GPC5: variants seen among roughly 807,000 people sequenced by gnomAD.
GPC5 encodes the protein glypican-5.
A neutral mutation model predicts 53.9 loss-of-function variants in GPC5; 47 were observed. The observed-to-expected ratio is 0.87, with a 90% CI of 0.69 to 1.11. The LOEUF (loss-of-function observed/expected upper bound fraction) is 1.11. Ranked by LOEUF, GPC5 falls within the 50% of genes most tolerant of loss-of-function variation. The pLI is 0.00. For synonymous variants in GPC5, 286 were observed against 263.3 expected (o/e 1.09, Z -0.84); for missense variants, 748 against 713.1 (o/e 1.05, Z -0.56).
chr13:92,449,343 G>C (rs1256432820), intron 7 of GPC5, among the ~76,000 whole-genome samples: 1 of 152,078 alleles, frequency 6.6e-6, no homozygotes, highest in Admixed American at 6.6e-5. Flanking sequence ...CTTGTTTCCA[G>C]CTTCCAGATT....
At chr13:92,743,834 C>T (rs185744770) in intron 7 of GPC5, among the ~76,000 whole-genome samples, 496 of 152,076 alleles carry the variant, frequency 3.3e-3, no homozygotes, top group African/African-American at 0.011. Context: ...CTGCATCTAT[C>T]GAGATAATCA....
intron 7 of GPC5, among the ~76,000 whole-genome samples, chr13:92,741,506 T>A (rs1202301964): frequency 2.0e-5 from 3 of 152,024 alleles, no homozygotes; most frequent in Non-Finnish European, 2.9e-5. Context: ...TTATCCAGTT[T>A]ATAATTATCC....
At chr13:92,176,067 A>G (rs566062177) in intron 7 of GPC5, among the ~76,000 whole-genome samples, 26 of 152,160 alleles carry the variant, frequency 1.7e-4, no homozygotes, top group Non-Finnish European at 3.4e-4. Flanking sequence ...GTTTTCCTCT[A>G]AGACAGTGGT....
chr13:92,260,974 A>G (rs2042762531), intron 7 of GPC5, among the ~76,000 whole-genome samples: 1 of 152,168 alleles, frequency 6.6e-6, no homozygotes, highest in African/African-American at 2.4e-5. Flanking sequence ...TAGTAGTTGA[A>G]ATAATGAGTA....
intron 7 of GPC5, among the ~76,000 whole-genome samples, chr13:92,337,583 G>A (rs1330274182): frequency 6.6e-6 from 1 of 152,176 alleles, no homozygotes; most frequent in Non-Finnish European, 1.5e-5. Flanking sequence ...TCAAGACAGT[G>A]TGGTACTGAC....
chr13:92,046,335 A>C (rs2040981996), intron 6 of GPC5, among the ~76,000 whole-genome samples: 2 of 152,274 alleles, frequency 1.3e-5, no homozygotes, highest in African/African-American at 4.8e-5. Context: ...AATGAATGTC[A>C]TCTTGTTTTT....
intron 7 of GPC5, among the ~76,000 whole-genome samples, chr13:92,588,216 G>A (rs1407116987): frequency 1.3e-5 from 2 of 152,072 alleles, no homozygotes; most frequent in African/African-American, 4.8e-5. Flanking sequence ...AAGGATGATG[G>A]TTTCCAGCTT....
At chr13:92,621,559 AC>A (rs1420456526) in intron 7 of GPC5, among the ~76,000 whole-genome samples, 6 of 152,250 alleles carry the variant, frequency 3.9e-5, no homozygotes, top group African/African-American at 1.4e-4. Flanking sequence ...AGTAGCTCAC[AC>A]CTGTAATCCC....
At chr13:91,759,544 G>A (rs1429531287) in intron 5 of GPC5, among the ~76,000 whole-genome samples, 1 of 151,806 alleles carries the variant, frequency 6.6e-6, no homozygotes, top group Non-Finnish European at 1.5e-5. Context: ...CCCAGCCTCT[G>A]GTAACCATCC....
chr13:91,498,668 T>A (rs1183006653), intron 2 of GPC5, among the ~76,000 whole-genome samples: 5 of 151,438 alleles, frequency 3.3e-5, no homozygotes, highest in Non-Finnish European at 7.4e-5. Context: ...TGGAAGGGAG[T>A]GAAATGGTGG....
chr13:92,410,152 T>C (rs1244253643), intron 7 of GPC5, among the ~76,000 whole-genome samples: 1 of 152,138 alleles, frequency 6.6e-6, no homozygotes, highest in East Asian at 1.9e-4. Flanking sequence ...AAATAAGCAC[T>C]AGTGGATAAA....
intron 6 of GPC5, among the ~76,000 whole-genome samples, chr13:92,024,307 G>A (rs1461460768): frequency 6.6e-6 from 1 of 151,868 alleles, no homozygotes; most frequent in Non-Finnish European, 1.5e-5. Flanking sequence ...TGTTCTGTTT[G>A]GATCCAGAAA....
intron 2 of GPC5, among the ~76,000 whole-genome samples, chr13:91,572,091 A>ATG (rs1386352041): frequency 6.3e-5 from 8 of 127,320 alleles, no homozygotes; most frequent in Non-Finnish European, 9.2e-5. Flanking sequence ...GTATATGTAC[A>ATG]TGTGTGTGTA....
At chr13:92,511,374 A>ATGCTT (rs1880556703) in intron 7 of GPC5, among the ~76,000 whole-genome samples, 1 of 152,182 alleles carries the variant, frequency 6.6e-6, no homozygotes, top group Non-Finnish European at 1.5e-5. Context: ...GCACAAATGT[A>ATGCTT]TATTTTAATT....
At chr13:91,511,255 A>G (rs1594188814) in intron 2 of GPC5, among the ~76,000 whole-genome samples, 1 of 152,066 alleles carries the variant, frequency 6.6e-6, no homozygotes, top group Non-Finnish European at 1.5e-5. Context: ...TAATTCATAT[A>G]TATTTTTCCC....
intron 7 of GPC5, among the ~76,000 whole-genome samples, chr13:92,765,186 C>T (rs1330780092): frequency 1.3e-5 from 2 of 152,150 alleles, no homozygotes; most frequent in African/African-American, 4.8e-5. Flanking sequence ...ACGTAGAACT[C>T]ACTGCATAGG....
chr13:92,316,465 C>T (rs1478205429), intron 7 of GPC5, among the ~76,000 whole-genome samples: 1 of 152,008 alleles, frequency 6.6e-6, no homozygotes, highest in East Asian at 1.9e-4. Flanking sequence ...AGTATAATTA[C>T]TTTTTTGCCA....
At chr13:92,721,985 TAAAC>T (rs1248551257) in intron 7 of GPC5, among the ~76,000 whole-genome samples, 3 of 152,022 alleles carry the variant, frequency 2.0e-5, no homozygotes, top group Non-Finnish European at 4.4e-5. Flanking sequence ...TAGAAACCCT[TAAAC>T]AAACTGGCAC....
At chr13:92,173,251 G>T (rs2042083394) in intron 7 of GPC5, among the ~76,000 whole-genome samples, 1 of 151,952 alleles carries the variant, frequency 6.6e-6, no homozygotes, top group South Asian at 2.1e-4. Flanking sequence ...TCTCACCTAG[G>T]TCATTAAATT....
Sources: gnomAD v4.1 joint callset for allele counts (sites outside exome capture counted in the v4.1 genomes callset) on GRCh38, gnomAD v4.1.1 for gene constraint, MANE v1.5 for transcripts, NCBI Gene and HGNC (gene_info 2026-07-23, HGNC 2026-07-21) for gene names.